The following DENND1A variants were observed in gnomAD, a reference collection of about 807,000 sequenced individuals.
DENND1A encodes the protein DENN domain containing 1A, also known as DENN domain-containing protein 1A.
In DENND1A, 51 loss-of-function variants were observed where a neutral mutation model predicts 113.7. That is an observed-to-expected ratio of 0.45 (90% CI 0.36 to 0.57). The LOEUF (loss-of-function observed/expected upper bound fraction) is 0.57, where lower values mean the gene tolerates loss of function less well. Ranked by LOEUF, DENND1A falls within the 20% of genes least tolerant of loss-of-function variation. The pLI is 0.00. For synonymous variants in DENND1A, 565 were observed against 570.8 expected (o/e 0.99, Z 0.14); for missense variants, 1,258 against 1,395.9 (o/e 0.90, Z 1.57).
intron 1 of DENND1A, among the ~76,000 whole-genome samples, chr9:123,895,564 C>A (rs1283779120): frequency 6.6e-6 from 1 of 150,640 alleles, no homozygotes; most frequent in South Asian, 2.1e-4. Context: ...GGAGGTGGCA[C>A]TGAGCCGAGA....
intron 22 of DENND1A, among the ~76,000 whole-genome samples, chr9:123,384,718 C>A (rs887593641): frequency 6.6e-6 from 1 of 152,160 alleles, no homozygotes; most frequent in Admixed American, 6.5e-5. Flanking sequence ...GAGGCCGAGG[C>A]GGGCGGATCA....
At chr9:123,662,733 G>C (rs77278438) in intron 8 of DENND1A, among the ~76,000 whole-genome samples, 21,223 of 152,178 alleles carry the variant, frequency 0.14, 1,849 homozygotes, top group Admixed American at 0.22. Flanking sequence ...AGTTGTATAA[G>C]AAAGGAAAGG....
intron 5 of DENND1A, among the ~76,000 whole-genome samples, chr9:123,705,075 AAAAAAC>A (rs1386849407): frequency 2.0e-5 from 3 of 152,078 alleles, no homozygotes; most frequent in African/African-American, 7.2e-5. Context: ...ATTTAAAAAA[AAAAAAC>A]AAACAAACAC....
intron 19 of DENND1A, chr9:123,413,230 A>T: frequency 7.9e-6 from 2 of 252,190 alleles, no homozygotes; most frequent in Non-Finnish European, 1.3e-5. Context: ...ACTGGACTTC[A>T]GAGACTCGGC....
intron 9 of DENND1A, among the ~76,000 whole-genome samples, chr9:123,634,178 C>A (rs147033429): frequency 2.6e-5 from 4 of 152,288 alleles, no homozygotes; most frequent in African/African-American, 4.8e-5. Flanking sequence ...AAAGCAAACC[C>A]ACCAACCTCA....
intron 11 of DENND1A, among the ~76,000 whole-genome samples, chr9:123,588,633 A>ACGG (rs1554894950): frequency 1.3e-4 from 11 of 86,466 alleles, no homozygotes; most frequent in African/African-American, 4.7e-4. Flanking sequence ...AAAAAAAAAA[A>ACGG]GGGGGGGGGG....
intron 2 of DENND1A, among the ~76,000 whole-genome samples, chr9:123,808,687 C>T (rs897292903): frequency 4.6e-5 from 7 of 152,088 alleles, no homozygotes; most frequent in African/African-American, 1.4e-4. Context: ...TGGGGGACTA[C>T]ACTTTGAGAA....
intron 7 of DENND1A, among the ~76,000 whole-genome samples, chr9:123,669,230 T>C (rs2063640810): frequency 2.0e-5 from 3 of 152,124 alleles, no homozygotes; most frequent in Admixed American, 2.0e-4. Context: ...TTTATCAACA[T>C]TTCAGGATGT....
chr9:123,459,098 G>T (rs1032934968), intron 13 of DENND1A, among the ~76,000 whole-genome samples: 1 of 152,246 alleles, frequency 6.6e-6, no homozygotes, highest in African/African-American at 2.4e-5. Context: ...GAACCTGGGA[G>T]GCAGAGGTTG....
chr9:123,709,906 C>T (rs2066470986), intron 5 of DENND1A, among the ~76,000 whole-genome samples: 1 of 152,206 alleles, frequency 6.6e-6, no homozygotes, highest in Non-Finnish European at 1.5e-5. Context: ...GGTTCGGCAA[C>T]CACTGTGTGC....
At chr9:123,446,576 G>A (rs2047321988) in intron 18 of DENND1A, among the ~76,000 whole-genome samples, 4 of 152,150 alleles carry the variant, frequency 2.6e-5, no homozygotes. Context: ...TGTAATCCCA[G>A]CACTTTGAGA....
At chr9:123,635,450 A>C (rs2061656769) in intron 9 of DENND1A, among the ~76,000 whole-genome samples, 1 of 152,268 alleles carries the variant, frequency 6.6e-6, no homozygotes, top group Non-Finnish European at 1.5e-5. Context: ...CTGTGTTTCC[A>C]CAATGCATAA....
At chr9:123,384,812 G>T (rs1292005464) in intron 22 of DENND1A, among the ~76,000 whole-genome samples, 2 of 152,106 alleles carry the variant, frequency 1.3e-5, no homozygotes, top group Non-Finnish European at 2.9e-5. Flanking sequence ...GCGGGGTGTG[G>T]TGGTGCGTGC....
intron 13 of DENND1A, among the ~76,000 whole-genome samples, chr9:123,526,136 AACACATGCAC>A (rs1351387131): frequency 2.6e-5 from 4 of 151,076 alleles, no homozygotes; most frequent in Middle Eastern, 3.4e-3. Context: ...ATCACTGCCC[AACACATGCAC>A]ACACATGCAC....
chr9:123,606,168 AT>A, intron 11 of DENND1A, among the ~76,000 whole-genome samples: 1 of 152,192 alleles, frequency 6.6e-6, no homozygotes, highest in South Asian at 2.1e-4. Flanking sequence ...AGCACTCGGA[AT>A]CTGAGCTGAA....
chr9:123,542,849 G>A (rs544688354), intron 13 of DENND1A, among the ~76,000 whole-genome samples: 1 of 152,148 alleles, frequency 6.6e-6, no homozygotes, highest in African/African-American at 2.4e-5. Context: ...TTGCCTCCCT[G>A]TCTTCTTTTG....
intron 6 of DENND1A, among the ~76,000 whole-genome samples, chr9:123,672,180 A>G (rs182931951): frequency 1.6e-4 from 25 of 152,342 alleles, no homozygotes; most frequent in Admixed American, 4.6e-4. Flanking sequence ...AAAGGGTGAA[A>G]TGCAAGCTCC....
intron 13 of DENND1A, among the ~76,000 whole-genome samples, chr9:123,460,865 A>C (rs1424305252): frequency 6.6e-6 from 1 of 152,224 alleles, no homozygotes; most frequent in Non-Finnish European, 1.5e-5. Context: ...TTATTTGACT[A>C]ATGTCTCTTT....
chr9:123,755,820 T>C (rs2070491838), intron 5 of DENND1A, among the ~76,000 whole-genome samples: 1 of 152,252 alleles, frequency 6.6e-6, no homozygotes. Flanking sequence ...ACATGCAACA[T>C]ACAAATATGT....
Sources: gnomAD v4.1 joint callset for allele counts (sites outside exome capture counted in the v4.1 genomes callset) on GRCh38, gnomAD v4.1.1 for gene constraint, MANE v1.5 for transcripts, NCBI Gene and HGNC (gene_info 2026-07-23, HGNC 2026-07-21) for gene names.